The following ZMIZ1 variants were observed in gnomAD, a reference collection of about 807,000 sequenced individuals.
ZMIZ1 encodes the protein zinc finger MIZ domain-containing protein 1.
Under a neutral mutation model 113.9 loss-of-function variants are expected in ZMIZ1, and 17 were observed. The ratio of observed to expected loss-of-function variants is 0.15; its 90% confidence interval spans 0.10 to 0.22. The LOEUF is 0.22. ZMIZ1 is among the 10% of genes least tolerant of loss of function. The pLI is 1.00. For missense variants in ZMIZ1, 1,059 were observed against 1,477.8 expected, an observed-to-expected ratio of 0.72 and a Z score of 4.65; for synonymous variants, 607 against 603.1, an observed-to-expected ratio of 1.01 and a Z score of -0.09.
intron 2 of ZMIZ1, among the ~76,000 whole-genome samples, chr10:79,120,892 G>T (rs11002834): frequency 3.3e-5 from 5 of 152,220 alleles, no homozygotes; most frequent in African/African-American, 1.2e-4. Context: ...CCCTGCTCCC[G>T]CTCTCCCACC....
chr10:79,095,864 C>G (rs928856139), intron 1 of ZMIZ1, among the ~76,000 whole-genome samples: 2 of 152,192 alleles, frequency 1.3e-5, no homozygotes, highest in Non-Finnish European at 2.9e-5. Context: ...GTTTGAAGCA[C>G]CAGCAGACAG....
At chr10:79,181,153 G>A (rs1313703122) in intron 4 of ZMIZ1, among the ~76,000 whole-genome samples, 1 of 152,130 alleles carries the variant, frequency 6.6e-6, no homozygotes, top group African/African-American at 2.4e-5. Flanking sequence ...CCCTGCTAGA[G>A]CAGGCTTGGG....
chr10:79,176,191 C>T (rs935888626), intron 4 of ZMIZ1, among the ~76,000 whole-genome samples: 11 of 152,126 alleles, frequency 7.2e-5, no homozygotes, highest in African/African-American at 2.6e-4. Flanking sequence ...AACTGCCTCT[C>T]GAAATGTCAT....
intron 5 of ZMIZ1, among the ~76,000 whole-genome samples, chr10:79,207,665 G>A (rs1210084546): frequency 2.6e-5 from 4 of 152,190 alleles, no homozygotes; most frequent in African/African-American, 4.8e-5. Flanking sequence ...GCCTCTGAGC[G>A]GACCCAGGCA....
At chr10:79,198,421 C>G (rs77548845) in intron 4 of ZMIZ1, among the ~76,000 whole-genome samples, 3,402 of 152,102 alleles carry the variant, frequency 0.022, 92 homozygotes, top group African/African-American at 0.061. Context: ...TGGATGCTCC[C>G]TCACCCCCCT....
intron 15 of ZMIZ1, 133 bp from the exon 16 acceptor site, chr10:79,298,915 CTA>C (rs1244538757): frequency 7.5e-6 from 9 of 1,199,778 alleles, no homozygotes; most frequent in Admixed American, 2.8e-5. Flanking sequence ...CTTGGACTGG[CTA>C]TGTCTCTGGC....
intron 23 of ZMIZ1, among the ~76,000 whole-genome samples, chr10:79,310,401 C>T (rs760491617): frequency 4.6e-5 from 7 of 152,356 alleles, no homozygotes; most frequent in Non-Finnish European, 7.3e-5. Flanking sequence ...TCGTACCCAG[C>T]ATCACCCCTG....
At chr10:79,176,052 C>T (rs1326295990) in intron 4 of ZMIZ1, among the ~76,000 whole-genome samples, 1 of 151,958 alleles carries the variant, frequency 6.6e-6, no homozygotes, top group Non-Finnish European at 1.5e-5. Flanking sequence ...GAAACCAGGG[C>T]ACAGGGAGGG....
chr10:79,077,566 A>G (rs1045312042), intron 1 of ZMIZ1, among the ~76,000 whole-genome samples: 2 of 152,198 alleles, frequency 1.3e-5, no homozygotes, highest in South Asian at 2.1e-4. Flanking sequence ...TGTTGTTTAC[A>G]TACTTAAAAC....
At chr10:79,270,076 T>G (rs1770835192) in intron 7 of ZMIZ1, among the ~76,000 whole-genome samples, 2 of 152,194 alleles carry the variant, frequency 1.3e-5, no homozygotes. Context: ...GAGCTACAGG[T>G]ACAGGGGCAA....
chr10:79,148,341 C>T (rs1845576432), intron 3 of ZMIZ1, among the ~76,000 whole-genome samples: 2 of 152,226 alleles, frequency 1.3e-5, no homozygotes, highest in African/African-American at 4.8e-5. Flanking sequence ...ACCCCACAGG[C>T]TCCCCTGGGT....
intron 6 of ZMIZ1, among the ~76,000 whole-genome samples, chr10:79,212,755 CAAAAAAAAA>C (rs531542235): frequency 5.3e-5 from 6 of 113,922 alleles, no homozygotes; most frequent in African/African-American, 2.0e-4. Flanking sequence ...GACTCTGTCT[CAAAAAAAAA>C]AAAAAGAAAA....
At chr10:79,236,117 C>T (rs539502912) in intron 7 of ZMIZ1, among the ~76,000 whole-genome samples, 1 of 152,328 alleles carries the variant, frequency 6.6e-6, no homozygotes, top group East Asian at 1.9e-4. Context: ...TTTCCAGGCA[C>T]GATGGGTCCG....
chr10:79,304,672 G>A (rs1854560834), intron 19 of ZMIZ1, among the ~76,000 whole-genome samples: 1 of 152,202 alleles, frequency 6.6e-6, no homozygotes, highest in Non-Finnish European at 1.5e-5. Context: ...AGGGGCCCAG[G>A]GCTGTCACCT....
chr10:79,286,410 C>T (rs754421907), intron 8 of ZMIZ1, among the ~76,000 whole-genome samples: 2 of 152,228 alleles, frequency 1.3e-5, no homozygotes, highest in Admixed American at 6.5e-5. Flanking sequence ...CAGCAGGAGC[C>T]CGTCTCCCCC....
At chr10:79,285,550 A>G (rs1281507327) in intron 8 of ZMIZ1, 1 of 456,156 alleles carries the variant, frequency 2.2e-6, no homozygotes. Flanking sequence ...ATGTGGCCAC[A>G]GACACACTGT....
At chr10:79,112,257 T>C (rs1045088180) in intron 1 of ZMIZ1, among the ~76,000 whole-genome samples, 3 of 152,040 alleles carry the variant, frequency 2.0e-5, no homozygotes, top group African/African-American at 7.2e-5. Context: ...TCAGCAGACC[T>C]TCCTTGACAG....
chr10:79,112,880 C>T (rs928703424), intron 1 of ZMIZ1, among the ~76,000 whole-genome samples: 2 of 152,244 alleles, frequency 1.3e-5, no homozygotes, highest in African/African-American at 4.8e-5. Context: ...TAAACAACCA[C>T]ACTCCCCAGA....
rs113677932 is a variant in ZMIZ1 at position 79,201,767 on chromosome 10, T to G, written c.60+75T>G. ...TGCAGCAGCAGGGCATCTGGTGGGT[T>G]CTGGCTGGAGACGATGGCAGGGCCT... On this transcript the variant is annotated intron_variant, in intron 5 of 24. Transcript: ENST00000334512. 2.5e-3 allele frequency: 3,921 copies of G among 1,546,200 alleles called. 95 individuals are homozygous for G. The African/African-American group carries it at 0.046, about 18-fold the overall frequency.
Sources: gnomAD v4.1 joint callset for allele counts (sites outside exome capture counted in the v4.1 genomes callset) on GRCh38, gnomAD v4.1.1 for gene constraint, MANE v1.5 for transcripts, NCBI Gene and HGNC (gene_info 2026-07-23, HGNC 2026-07-21) for gene names.